The following MAGEA11 variants were observed in gnomAD, a reference collection of about 807,000 sequenced individuals.
The protein encoded by MAGEA11 is MAGE family member A11.
Under a neutral mutation model 8.4 loss-of-function variants are expected in MAGEA11, and 1 was observed. The observed-to-expected ratio is 0.12, with a 90% CI of 0.04 to 0.57. MAGEA11 has a LOEUF of 0.57. Ranked by LOEUF, MAGEA11 falls within the 20% of genes least tolerant of loss-of-function variation. The pLI, the probability that MAGEA11 is intolerant of heterozygous loss-of-function variation, is 0.91. For missense variants in MAGEA11, 209 were observed against 317.3 expected, an observed-to-expected ratio of 0.66 and a Z score of 2.59; for synonymous variants, 127 against 119.3, an observed-to-expected ratio of 1.06 and a Z score of -0.42.
chrX:149,695,724 G>A (rs2090328068), intron 1 of MAGEA11, among the ~76,000 whole-genome samples: 1 of 112,426 alleles, frequency 8.9e-6, no homozygotes, highest in African/African-American at 3.2e-5. Context: ...TACAATGGCT[G>A]CAATAAAAAT....
At chrX:149,709,874 G>A (rs55778435), upstream of MAGEA11, among the ~76,000 whole-genome samples, 2,492 of 111,965 alleles carry the variant, frequency 0.022, 67 homozygotes, top group African/African-American at 0.073. Flanking sequence ...ATTGTAAAAT[G>A]TTGGACGCAT....
intron 2 of MAGEA11, chrX:149,713,543 T>C (rs369940573): frequency 1.9e-5 from 5 of 264,976 alleles, no homozygotes; most frequent in African/African-American, 5.7e-5. Context: ...GGTCGTGGCC[T>C]GCAAAACTCA....
chrX:149,713,113 C>T lies in MAGEA11; in HGVS notation c.-17-30C>T, dbSNP rs201646437. 167 of 1,010,636 alleles carry T rather than the reference C, an allele frequency of 1.7e-4. No homozygotes were observed. In the East Asian group the frequency reaches 4.7e-3, roughly 28 times the overall value. The allele number at this position is 1,010,636 out of a possible 1,213,427, so 83.3% of individuals were successfully genotyped here. The stretch of plus-strand genomic sequence containing the variant: ...GAACAGCCCCCCCCCATAGTCCCGC[C>T]GTCTCAAACTGAGGTGCCTTTTCAT... On this transcript the variant is annotated intron_variant, in intron 1 of 4. Coordinates refer to ENST00000355220, the MANE Select transcript of MAGEA11 (RefSeq NM_005366.5).
chrX:149,698,285 CT>C lies in MAGEA11; in HGVS notation c.9+9311del, dbSNP rs782452075. 3.6e-3 allele frequency among the ~76,000 whole-genome samples: 381 copies of C among 105,220 alleles called. 2 individuals carry two copies. The highest frequency in any genetic ancestry group is 5.6e-3 in the Non-Finnish European group (281 of 50,616). The allele number at this position is 105,220 out of a possible 115,157, so 91.4% of individuals were successfully genotyped here. A position where few individuals can be genotyped will look rare whatever the true frequency, so the allele number is the denominator to read the frequency against. ...GTATGATGTTAACTGTAGAGGTTTTCTTTTTTTTTTCATGTCCTATATCAAG... is the reference window on the plus strand; with the variant it reads ...GTATGATGTTAACTGTAGAGGTTTTCTTTTTTTTTCATGTCCTATATCAAG... On this transcript the variant is annotated intron_variant, in intron 1 of 3. Coordinates refer to the MAGEA11 transcript ENST00000333104.
upstream of MAGEA11, chrX:149,711,817 C>T (rs2090401616): frequency 5.3e-6 from 4 of 749,094 alleles, no homozygotes; most frequent in East Asian, 1.5e-4. Context: ...TGGCAGAGGA[C>T]GGAGCTCCAG....
chrX:149,700,118 G>A (rs73640693), intron 1 of MAGEA11, among the ~76,000 whole-genome samples: 2,530 of 112,783 alleles, frequency 0.022, 72 homozygotes, highest in African/African-American at 0.078. Flanking sequence ...TTCGAAATGA[G>A]ATTTGGGTGG....
chrX:149,701,485 G>T (rs1465442361), intron 1 of MAGEA11, among the ~76,000 whole-genome samples: 2 of 108,900 alleles, frequency 1.8e-5, no homozygotes, highest in Non-Finnish European at 3.8e-5. Context: ...CAGATGAGTA[G>T]GTTGTGAAAA....
chrX:149,700,543 T>TC (rs1225428280), intron 1 of MAGEA11, among the ~76,000 whole-genome samples: 3 of 111,845 alleles, frequency 2.7e-5, no homozygotes, highest in African/African-American at 9.8e-5. Context: ...ATTTCTTTTT[T>TC]TTTTTGGAAA....
chrX:149,708,450 A>C (rs2090386281), upstream of MAGEA11, among the ~76,000 whole-genome samples: 1 of 112,465 alleles, frequency 8.9e-6, no homozygotes, highest in Non-Finnish European at 1.9e-5. Flanking sequence ...AATTACAAAA[A>C]TAAATAATAA....
At chrX:149,713,101 C>A (rs782739836) in intron 1 of MAGEA11, 42 bp from the exon 2 acceptor site, 151 of 915,079 alleles carry the variant, frequency 1.7e-4, no homozygotes, top group Admixed American at 8.6e-4. Context: ...CAGCCCCCCC[C>A]CATAGTCCCG....
At chrX:149,714,788 C>T (rs1315083606) in intron 3 of MAGEA11, among the ~76,000 whole-genome samples, 2 of 112,192 alleles carry the variant, frequency 1.8e-5, no homozygotes, top group African/African-American at 6.5e-5. Flanking sequence ...GGTCCCAGGC[C>T]ATGACCAGAA....
At chrX:149,703,746 T>C (rs2090363775) in intron 1 of MAGEA11, among the ~76,000 whole-genome samples, 1 of 112,054 alleles carries the variant, frequency 8.9e-6, no homozygotes, top group African/African-American at 3.2e-5. Context: ...ATAAGACATA[T>C]ACAGGTTCAG....
intron 1 of MAGEA11, among the ~76,000 whole-genome samples, chrX:149,691,076 G>A (rs1019257425): frequency 9.0e-6 from 1 of 111,118 alleles, no homozygotes; most frequent in Non-Finnish European, 1.9e-5. Flanking sequence ...AAAGTTTCTT[G>A]TGATTTCTTC....
chrX:149,697,386 A>G (rs1324738562), intron 1 of MAGEA11, among the ~76,000 whole-genome samples: 1 of 111,307 alleles, frequency 9.0e-6, no homozygotes, highest in Non-Finnish European at 1.9e-5. Flanking sequence ...TTTTCCTGCT[A>G]CGTGCAAGGC....
At chrX:149,704,932 A>T (rs1266771023) in intron 1 of MAGEA11, among the ~76,000 whole-genome samples, 2 of 112,914 alleles carry the variant, frequency 1.8e-5, no homozygotes, top group Non-Finnish European at 3.7e-5. Flanking sequence ...GCATCCACGT[A>T]GGTGTCAGTG....
At chrX:149,708,984 A>G (rs1240422806), upstream of MAGEA11, among the ~76,000 whole-genome samples, 1 of 70,992 alleles carries the variant, frequency 1.4e-5, no homozygotes, top group Non-Finnish European at 3.4e-5. Context: ...AATGAACTAT[A>G]TTTTATAAAA....
chrX:149,713,357 T>G (rs1397682293), intron 2 of MAGEA11, 102 bp downstream of exon 2: 27 of 524,917 alleles, frequency 5.1e-5, no homozygotes, highest in Non-Finnish European at 7.8e-5. Flanking sequence ...GGTTGTGGTC[T>G]GAGGAGTGGA....
rs2090417229 is a variant in MAGEA11, at chrX:149,714,473, T to C, written c.97-8T>C. ...GGCCCCTTACTTCTGTTTTGGAATC[T>C]TGGGCAGGTGAGCACTATGTTCTCA... On this transcript the variant is annotated splice_polypyrimidine_tract_variant and splice_region_variant and intron_variant, in intron 2 of 4. Transcript: ENST00000355220. 1 of 1,207,813 alleles carries C rather than the reference T, an allele frequency of 8.3e-7. No individual in the cohort carries two copies. Among genetic ancestry groups the C allele is most frequent in the African/African-American group, 1.8e-5 (1 of 57,021 alleles).
chrX:149,705,444 C>T (rs1338019658), intron 1 of MAGEA11, among the ~76,000 whole-genome samples: 3 of 112,418 alleles, frequency 2.7e-5, no homozygotes, highest in Non-Finnish European at 5.6e-5. Context: ...CATTGTGAGG[C>T]CTCCCTAGCC....
Sources: allele counts gnomAD v4.1 joint callset (sites outside exome capture counted in the v4.1 genomes callset), GRCh38; gene constraint gnomAD v4.1.1; transcripts MANE v1.5; gene names NCBI Gene and HGNC (gene_info 2026-07-23, HGNC 2026-07-21).